The following VRK2 variants were observed in gnomAD, a reference collection of about 807,000 sequenced individuals.
VRK2 encodes the protein VRK serine/threonine kinase 2.
VRK2 carries 60 observed loss-of-function variants against 57.6 expected under a neutral mutation model. The observed-to-expected ratio is 1.04, with a 90% confidence interval of 0.85 to 1.29. The LOEUF is 1.29. VRK2 is among the 50% of genes most tolerant of loss of function. The probability of loss-of-function intolerance (pLI) is 0.00; values close to 1 mark genes in which losing one functional copy is unlikely to be tolerated. For missense variants in VRK2, 705 were observed against 588.1 expected (o/e 1.20, Z -2.06); for synonymous variants, 231 against 199.2 (o/e 1.16, Z -1.35).
chr2:58,140,411 G>A (rs1172949933), intron 11 of VRK2, among the ~76,000 whole-genome samples: 1 of 151,912 alleles, frequency 6.6e-6, no homozygotes, highest in Non-Finnish European at 1.5e-5. Context: ...GCATTTTTAA[G>A]CGGGTGGTGG....
intron 12 of VRK2, among the ~76,000 whole-genome samples, chr2:58,153,429 C>G (rs558577151): frequency 6.6e-6 from 1 of 152,082 alleles, no homozygotes; most frequent in African/African-American, 2.4e-5. Context: ...TGAATAGGTG[C>G]TGAATATTGT....
chr2:57,963,561 T>G (rs772430132), intron 1 of VRK2, among the ~76,000 whole-genome samples: 1 of 152,238 alleles, frequency 6.6e-6, no homozygotes, highest in Non-Finnish European at 1.5e-5. Flanking sequence ...GTATGCTGCA[T>G]GCTTTTTGTG....
chr2:57,910,549 C>G (rs976041561), intron 1 of VRK2, among the ~76,000 whole-genome samples: 1 of 152,082 alleles, frequency 6.6e-6, no homozygotes, highest in African/African-American at 2.4e-5. Flanking sequence ...ATTTAATCCC[C>G]GGCTTCTCTA....
intron 10 of VRK2, among the ~76,000 whole-genome samples, chr2:58,136,939 A>G (rs111206864): frequency 8.8e-5 from 12 of 135,822 alleles, no homozygotes; most frequent in African/African-American, 3.1e-4. Context: ...TATCATATAT[A>G]TTATATATCA....
intron 1 of VRK2, among the ~76,000 whole-genome samples, chr2:57,941,422 A>G (rs541494911): frequency 6.6e-6 from 1 of 152,316 alleles, no homozygotes; most frequent in African/African-American, 2.4e-5. Flanking sequence ...TAGAAATAAT[A>G]AAAAACACCC....
Position 58,103,574 on chromosome 2 carries a change from C to G in VRK2, c.543+13851C>G, listed in dbSNP as rs144854165. Among the ~76,000 whole-genome samples, 488 of 151,238 alleles carry G rather than the reference C, an allele frequency of 3.2e-3. 4 individuals are homozygous for G. The highest frequency in any genetic ancestry group is 6.0e-3 in the South Asian group (29 of 4,820). On this transcript the variant is annotated intron_variant, in intron 7 of 12. Transcript: ENST00000340157. ...AATAGAAATCCTGAAGAGACCAATACGAAAGTAGCGAGATAGAATCGGTAA... is the reference window on the plus strand; with the variant it reads ...AATAGAAATCCTGAAGAGACCAATAGGAAAGTAGCGAGATAGAATCGGTAA...
At chr2:57,966,635 C>T (rs1347114890) in intron 1 of VRK2, among the ~76,000 whole-genome samples, 1 of 151,740 alleles carries the variant, frequency 6.6e-6, no homozygotes, top group Non-Finnish European at 1.5e-5. Context: ...AATATATGTA[C>T]AAACGCTTTT....
At chr2:58,139,192 T>C (rs1181577646) in intron 10 of VRK2, among the ~76,000 whole-genome samples, 1 of 152,170 alleles carries the variant, frequency 6.6e-6, no homozygotes, top group African/African-American at 2.4e-5. Context: ...CCTTTCTAAA[T>C]ATACGGTTAT....
At chr2:58,011,480 G>C (rs1381807680) in intron 1 of VRK2, among the ~76,000 whole-genome samples, 2 of 152,130 alleles carry the variant, frequency 1.3e-5, no homozygotes, top group Non-Finnish European at 2.9e-5. Flanking sequence ...TTTCAATGAA[G>C]TATTGTAAAT....
chr2:57,961,777 C>CA (rs1224232301), intron 1 of VRK2, among the ~76,000 whole-genome samples: 1 of 152,168 alleles, frequency 6.6e-6, no homozygotes, highest in Non-Finnish European at 1.5e-5. Context: ...GATAGAGGCT[C>CA]AGTCAAGAAT....
chr2:57,991,756 G>C (rs556331419), intron 1 of VRK2, among the ~76,000 whole-genome samples: 25 of 149,170 alleles, frequency 1.7e-4, no homozygotes, highest in African/African-American at 5.9e-4. Flanking sequence ...GACTATCCTG[G>C]CCAACATGGT....
intron 1 of VRK2, among the ~76,000 whole-genome samples, chr2:57,946,972 T>C (rs931362731): frequency 6.6e-6 from 1 of 152,122 alleles, no homozygotes; most frequent in African/African-American, 2.4e-5. Context: ...GCAGAAGATA[T>C]GCCAAAAAAA....
chr2:58,109,587 G>A (rs926680956), intron 7 of VRK2, among the ~76,000 whole-genome samples: 3 of 152,212 alleles, frequency 2.0e-5, no homozygotes, highest in South Asian at 4.1e-4. Flanking sequence ...CAAGAGAGAA[G>A]TGCTGAGGGA....
intron 8 of VRK2, among the ~76,000 whole-genome samples, chr2:58,131,513 C>G (rs1405783446): frequency 6.6e-6 from 1 of 151,974 alleles, no homozygotes; most frequent in African/African-American, 2.4e-5. Context: ...TATGGGTTGT[C>G]TGGATCATGT....
At chr2:58,116,903 G>A (rs1182641538) in intron 7 of VRK2, among the ~76,000 whole-genome samples, 5 of 152,188 alleles carry the variant, frequency 3.3e-5, no homozygotes, top group African/African-American at 4.8e-5. Context: ...AGGTTCTGGA[G>A]GAACGCCTGG....
Position 57,996,422 on chromosome 2 carries a change from A to G in VRK2, c.-438-29243A>G, listed in dbSNP as rs983578678. 5.3e-4 allele frequency among the ~76,000 whole-genome samples: 80 copies of G among 152,232 alleles called. 2 individuals carry two copies. Among genetic ancestry groups the G allele is most frequent in the Non-Finnish European group, 1.2e-3 (79 of 68,020 alleles). Reference sequence around the variant, plus strand: ...GAGAGTCTGAGTAAGAAGCAGGGCCAATCTCTGACCAGAGCCAAGGGCTCC... The same window carrying G: ...GAGAGTCTGAGTAAGAAGCAGGGCCGATCTCTGACCAGAGCCAAGGGCTCC... On this transcript the variant is annotated intron_variant, in intron 1 of 15. Coordinates refer to the VRK2 transcript ENST00000417641.
intron 12 of VRK2, among the ~76,000 whole-genome samples, chr2:58,149,996 C>CTTTTTTTTTTTT (rs55783668): frequency 9.2e-5 from 10 of 108,344 alleles, no homozygotes; most frequent in East Asian, 2.5e-4. Context: ...TTTTTCTTTT[C>CTTTTTTTTTTTT]TTTTTTTTTT....
chr2:58,088,645 C>T (rs1671964245), intron 6 of VRK2, among the ~76,000 whole-genome samples, 199 bp downstream of exon 6: 1 of 152,164 alleles, frequency 6.6e-6, no homozygotes, highest in South Asian at 2.1e-4. Context: ...TATGGCACTG[C>T]AAACTCAATT....
intron 8 of VRK2, among the ~76,000 whole-genome samples, chr2:58,123,846 C>A (rs930971921): frequency 1.3e-5 from 2 of 150,846 alleles, no homozygotes; most frequent in African/African-American, 4.9e-5. Context: ...CAGAGCAAGA[C>A]CCCTCAGAAA....
Sources: gnomAD v4.1 joint callset for allele counts (sites outside exome capture counted in the v4.1 genomes callset) on GRCh38, gnomAD v4.1.1 for gene constraint, MANE v1.5 for transcripts, NCBI Gene and HGNC (gene_info 2026-07-23, HGNC 2026-07-21) for gene names.